The following PARD3B variants were observed in gnomAD, a reference collection of about 807,000 sequenced individuals.
The protein encoded by PARD3B is partitioning defective 3 homolog B.
Under a neutral mutation model 130.2 loss-of-function variants are expected in PARD3B, and 103 were observed. That is an observed-to-expected ratio of 0.79 (90% confidence interval 0.67 to 0.93). The LOEUF is 0.93. Ranked by LOEUF, PARD3B falls within the 40% of genes least tolerant of loss-of-function variation. The pLI is 0.00. For missense variants in PARD3B, 1,609 were observed against 1,499.2 expected, an observed-to-expected ratio of 1.07 and a Z score of -1.21; for synonymous variants, 583 against 553.2, an observed-to-expected ratio of 1.05 and a Z score of -0.76.
intron 2 of PARD3B, among the ~76,000 whole-genome samples, chr2:204,696,334 C>A (rs1443516849): frequency 6.6e-6 from 1 of 151,972 alleles, no homozygotes; most frequent in East Asian, 1.9e-4. Context: ...AACCACTGAA[C>A]CTTAAACAAG....
intron 1 of PARD3B, among the ~76,000 whole-genome samples, chr2:204,595,323 A>G (rs1156323565): frequency 6.6e-6 from 1 of 152,208 alleles, no homozygotes; most frequent in Non-Finnish European, 1.5e-5. Flanking sequence ...AGTGGACCTC[A>G]TGATGAGGCC....
chr2:204,629,952 C>A (rs2034621593), intron 1 of PARD3B, among the ~76,000 whole-genome samples: 1 of 152,112 alleles, frequency 6.6e-6, no homozygotes, highest in Non-Finnish European at 1.5e-5. Flanking sequence ...TGCAGCATTA[C>A]ATAAAGTAAG....
intron 4 of PARD3B, among the ~76,000 whole-genome samples, chr2:205,054,272 G>A (rs1212768085): frequency 6.6e-6 from 1 of 151,100 alleles, no homozygotes; most frequent in Non-Finnish European, 1.5e-5. Flanking sequence ...AAACTAAGAA[G>A]TGAGATCCCT....
chr2:205,172,308 C>T lies in PARD3B; in HGVS notation c.1718C>T (p.Ser573Leu). The T allele has an allele frequency of 6.2e-7, 1 of 1,614,070 alleles. No individual in the cohort carries two copies. The highest frequency in any genetic ancestry group is 8.5e-7 in the Non-Finnish European group (1 of 1,179,984). ...GAAGCTATGGAAACACTTAGGCGGTCAATGTCCATGGAGGGAAACATCCGA... is the reference window on the plus strand; with the variant it reads ...GAAGCTATGGAAACACTTAGGCGGTTAATGTCCATGGAGGGAAACATCCGA... The part of the protein sequence containing the change: ...NHEAMETLRR[S>L]MSMEGNIRGM... The change falls in exon 12 of 23, where the codon TCA (serine) becomes TTA (leucine). Residue 573 changes from serine to leucine, a missense_variant. Physicochemically the swap from Ser to Leu is moderately radical, Grantham distance 145 (BLOSUM62 -2). Transcript: ENST00000406610.
chr2:204,912,508 T>C (rs2047276790), intron 2 of PARD3B, among the ~76,000 whole-genome samples: 1 of 152,198 alleles, frequency 6.6e-6, no homozygotes, highest in Admixed American at 6.5e-5. Flanking sequence ...CATAAACATA[T>C]ACTTTACTAA....
chr2:205,000,316 A>G (rs1282383932), intron 3 of PARD3B, among the ~76,000 whole-genome samples: 1 of 152,144 alleles, frequency 6.6e-6, no homozygotes, highest in East Asian at 1.9e-4. Context: ...CTACTGAGTG[A>G]GCCTGCTCAG....
At position 205,564,575 on chromosome 2, in the gene PARD3B, T is replaced by C. The variant is rs1379318698; in HGVS notation, c.3260+11172T>C. Among the ~76,000 whole-genome samples, 2 of 152,174 alleles carry C rather than the reference T, an allele frequency of 1.3e-5. No homozygotes were observed. Among genetic ancestry groups the C allele is most frequent in the Non-Finnish European group, 2.9e-5 (2 of 68,028 alleles). On this transcript the variant is annotated intron_variant, in intron 22 of 22. Coordinates refer to ENST00000406610, the MANE Select transcript of PARD3B (RefSeq NM_001302769.2). The surrounding 1 kb of genome is among the most constrained non-coding windows in gnomAD (Gnocchi z 4.6). ...TCTTTCACAGTGTAGTTCTGGCACA[T>C]CCTTAGGGGACATGGCTGAGACGCA...
chr2:204,603,137 C>T (rs2033582032), intron 1 of PARD3B, among the ~76,000 whole-genome samples: 1 of 152,080 alleles, frequency 6.6e-6, no homozygotes, highest in Non-Finnish European at 1.5e-5. Context: ...ATGGAACGTT[C>T]TTTAAGTCTG....
rs56071229 is a variant in PARD3B, at chr2:205,325,526, T to TTAGTAGTAG, written c.2630+23839_2630+23847dup. Among the ~76,000 whole-genome samples, 1,708 of 150,622 alleles carry TTAGTAGTAG rather than the reference T, an allele frequency of 0.011. 27 individuals are homozygous for TTAGTAGTAG. Among genetic ancestry groups the TTAGTAGTAG allele is most frequent in the African/African-American group, 0.037 (1,526 of 40,994 alleles). ...TTTACTAATATCATCTCATTGTTTA[T>TTAGTAGTAG]TAGTAGTAGTAGTAGTAGTAGTCTC... On this transcript the variant is annotated intron_variant, in intron 18 of 22. Transcript: ENST00000406610. This position sits in a 1 kb window ranked among gnomAD's most constrained non-coding sequence, Gnocchi z 4.1.
Position 205,585,632 on chromosome 2 carries a change from C to T in PARD3B, c.3261-29824C>T, listed in dbSNP as rs759238645. 6.6e-6 allele frequency among the ~76,000 whole-genome samples: 1 copy of T among 152,080 alleles called. No homozygotes were observed. The highest frequency in any genetic ancestry group is 2.4e-5 in the African/African-American group (1 of 41,398). On this transcript the variant is annotated intron_variant, in intron 22 of 22. Coordinates refer to ENST00000406610, the MANE Select transcript of PARD3B (RefSeq NM_001302769.2). The surrounding 1 kb of genome is among the most constrained non-coding windows in gnomAD (Gnocchi z 5.4). The stretch of plus-strand genomic sequence containing the variant: ...TCTCCTAACAGCTGAAACAACAAAG[C>T]GGGACATGGAAACATGTTCACTTAC...
intron 1 of PARD3B, among the ~76,000 whole-genome samples, chr2:204,604,676 G>C (rs891822314): frequency 6.6e-6 from 1 of 152,196 alleles, no homozygotes; most frequent in African/African-American, 2.4e-5. Context: ...CCTTCAGGGT[G>C]AGTGGAGGGG....
intron 20 of PARD3B, among the ~76,000 whole-genome samples, chr2:205,496,535 G>A (rs2049932776): frequency 6.6e-6 from 1 of 152,080 alleles, no homozygotes; most frequent in Non-Finnish European, 1.5e-5. Context: ...ATGACTTTCT[G>A]GGCTGTTTTC....
Position 204,689,378 on chromosome 2 carries a change from A to G in PARD3B, c.222+3096A>G, listed in dbSNP as rs1009256820. Reference sequence around the variant, plus strand: ...TCTAGCCTATATGTGTCAAAATATTATTGGAACAGCTTTGGAATATTGCAT... The same window carrying G: ...TCTAGCCTATATGTGTCAAAATATTGTTGGAACAGCTTTGGAATATTGCAT... On this transcript the variant is annotated intron_variant, in intron 2 of 22. Transcript: ENST00000406610. The surrounding 1 kb of genome is among the most constrained non-coding windows in gnomAD (Gnocchi z 5.2). Among the ~76,000 whole-genome samples, 1 of 152,174 alleles carries G rather than the reference A, an allele frequency of 6.6e-6. No homozygotes were observed. The highest frequency in any genetic ancestry group is 1.5e-5 in the Non-Finnish European group (1 of 68,022).
chr2:204,802,085 T>G (rs576372154), intron 2 of PARD3B, among the ~76,000 whole-genome samples: 1 of 152,204 alleles, frequency 6.6e-6, no homozygotes, highest in Non-Finnish European at 1.5e-5. Flanking sequence ...AGATTTTTGA[T>G]GTACTGCTGG....
intron 19 of PARD3B, among the ~76,000 whole-genome samples, chr2:205,434,107 A>G (rs1249315915): frequency 6.6e-6 from 1 of 152,218 alleles, no homozygotes; most frequent in Admixed American, 6.5e-5. Context: ...ATGCCATTTT[A>G]TACTTCCACC....
At chr2:205,248,738 G>T (rs2039691957) in intron 16 of PARD3B, among the ~76,000 whole-genome samples, 1 of 150,546 alleles carries the variant, frequency 6.6e-6, no homozygotes, top group African/African-American at 2.4e-5. Context: ...CTCCCGAGTA[G>T]CTGGGACCAC....
chr2:205,578,625 T>A (rs889040928), intron 22 of PARD3B, among the ~76,000 whole-genome samples: 8 of 151,916 alleles, frequency 5.3e-5, no homozygotes, highest in African/African-American at 1.9e-4. Context: ...TGAGAAAAAA[T>A]GGTATCAAGG....
At chr2:205,577,500 G>A (rs566217053) in intron 22 of PARD3B, among the ~76,000 whole-genome samples, 16 of 152,182 alleles carry the variant, frequency 1.1e-4, no homozygotes, top group South Asian at 6.2e-4. Flanking sequence ...GATGCACTGC[G>A]GGTGATAGGT....
chr2:205,360,553 G>A (rs1455971408), intron 18 of PARD3B, among the ~76,000 whole-genome samples: 2 of 152,194 alleles, frequency 1.3e-5, no homozygotes, highest in African/African-American at 4.8e-5. Flanking sequence ...GAAGGGTATA[G>A]AAAGCCAGCT....
Sources: gnomAD v4.1 joint callset for allele counts (sites outside exome capture counted in the v4.1 genomes callset) on GRCh38, gnomAD v4.1.1 for gene constraint, Gnocchi (gnomAD v3.1) non-coding constraint, MANE v1.5 for transcripts, NCBI Gene and HGNC (gene_info 2026-07-23, HGNC 2026-07-21) for gene names.